Variants in RBBP8 observed in about 807,000 individuals in gnomAD.
RBBP8 encodes DNA endonuclease RBBP8.
RBBP8 carries 88 observed loss-of-function variants against 108.3 expected under a neutral mutation model. The observed-to-expected ratio is 0.81, with a 90% CI of 0.68 to 0.97. RBBP8 has a LOEUF of 0.97. RBBP8 is among the 50% of genes least tolerant of loss of function. RBBP8 has a pLI of 0.00. For synonymous variants in RBBP8, 332 were observed against 348.2 expected, an observed-to-expected ratio of 0.95 and a Z score of 0.52; for missense variants, 1,023 against 1,049.0, an observed-to-expected ratio of 0.98 and a Z score of 0.34.
At chr18:22,994,966 T>C (rs1372739185) in intron 12 of RBBP8, among the ~76,000 whole-genome samples, 2 of 152,100 alleles carry the variant, frequency 1.3e-5, no homozygotes, top group African/African-American at 4.8e-5. Flanking sequence ...ACTCAAGCCA[T>C]CTGCCTGCCT....
chr18:22,933,288 G>A (rs1179376294), upstream of RBBP8: 1 of 152,208 alleles, frequency 6.6e-6, no homozygotes, highest in Non-Finnish European at 1.5e-5. Flanking sequence ...CCGCCGCGAT[G>A]GGCAGCTGGA....
rs777711020 is a variant in RBBP8, at chr18:22,996,450, A to G, written c.2016A>G (p.Val672=). ...DLSQYKMDVT[V]IDTKDGSQSK... Reference sequence around the variant, plus strand: ...CTCAGTATAAAATGGATGTTACTGTAATAGATACAAAGGTAAGTTAAAAAG... The same window carrying G: ...CTCAGTATAAAATGGATGTTACTGTGATAGATACAAAGGTAAGTTAAAAAG... Residue 672 remains valine, a synonymous_variant, in exon 13 of 19, where the codon GTA becomes GTG. Coordinates refer to ENST00000327155, the MANE Select transcript of RBBP8 (RefSeq NM_002894.3). The G allele has an allele frequency of 1.2e-6, 2 of 1,613,566 alleles. No individual in the cohort carries two copies. Among genetic ancestry groups the G allele is most frequent in the Non-Finnish European group, 8.5e-7 (1 of 1,179,810 alleles).
intron 4 of RBBP8, among the ~76,000 whole-genome samples, chr18:22,965,111 T>A (rs537458864): frequency 3.3e-5 from 5 of 152,226 alleles, no homozygotes; most frequent in South Asian, 2.1e-4. Flanking sequence ...GCTTACTGTA[T>A]TCTTCATAAT....
intron 3 of RBBP8, among the ~76,000 whole-genome samples, chr18:22,918,710 T>A (rs1377843651): frequency 6.6e-6 from 1 of 152,236 alleles, no homozygotes; most frequent in East Asian, 1.9e-4. Context: ...AGGGTCTCAC[T>A]CTGTCACCCA....
At chr18:22,915,420 G>A (rs1468640818) in exon 2 of RBBP8, 1 of 151,996 alleles carries the variant, frequency 6.6e-6, no homozygotes. Flanking sequence ...TTTTTTGCAG[G>A]GAAAACCCTT....
At chr18:22,995,328 T>C (rs1338614340) in intron 12 of RBBP8, among the ~76,000 whole-genome samples, 1 of 152,228 alleles carries the variant, frequency 6.6e-6, no homozygotes, top group Non-Finnish European at 1.5e-5. Flanking sequence ...TTGGAGTTAA[T>C]GTACTATTTC....
chr18:22,988,902 A>C (rs1164932155), intron 8 of RBBP8, among the ~76,000 whole-genome samples: 1 of 152,258 alleles, frequency 6.6e-6, no homozygotes, highest in Non-Finnish European at 1.5e-5. Flanking sequence ...AACATAAGTC[A>C]CAATAATTCC....
At chr18:22,987,930 A>G (rs1327301278) in intron 8 of RBBP8, among the ~76,000 whole-genome samples, 2 of 152,214 alleles carry the variant, frequency 1.3e-5, no homozygotes, top group Non-Finnish European at 2.9e-5. Context: ...CAGCATGTCT[A>G]CAGTTGACAG....
chr18:22,923,363 C>T (rs375048355), intron 3 of RBBP8, among the ~76,000 whole-genome samples: 10 of 152,212 alleles, frequency 6.6e-5, no homozygotes, highest in South Asian at 2.1e-4. Context: ...TTACTATACA[C>T]TTGCAGTTAT....
At chr18:22,914,479 T>A (rs1431230447) in intron 1 of RBBP8, among the ~76,000 whole-genome samples, 1 of 152,222 alleles carries the variant, frequency 6.6e-6, no homozygotes, top group Non-Finnish European at 1.5e-5. Context: ...ATTGTTTGCA[T>A]AAAGGTTATT....
intron 18 of RBBP8, 121 bp downstream of exon 18, chr18:23,022,391 A>C (rs1291195627): frequency 2.2e-6 from 2 of 928,776 alleles, no homozygotes; most frequent in African/African-American, 3.4e-5. Context: ...ACCTGAGGTC[A>C]GGAGTTCAAG....
intron 13 of RBBP8, 100 bp from the exon 14 acceptor site, chr18:22,997,520 G>A: frequency 2.6e-6 from 2 of 764,328 alleles, no homozygotes; most frequent in Non-Finnish European, 4.5e-6. Flanking sequence ...GTTGTAAAAT[G>A]TATGTTATGT....
At chr18:23,022,672 T>TAAAATAAA (rs1169553930) in intron 18 of RBBP8, among the ~76,000 whole-genome samples, 2 of 117,830 alleles carry the variant, frequency 1.7e-5, no homozygotes, top group Non-Finnish European at 3.9e-5. Context: ...ATAAAATAAA[T>TAAAATAAA]AACTGTATAT....
At chr18:22,915,513 T>G (rs1909321722) in intron 2 of RBBP8, 1 of 152,166 alleles carries the variant, frequency 6.6e-6, no homozygotes, top group African/African-American at 2.4e-5. Context: ...TATGTAATGT[T>G]GTATCTGCAA....
intron 7 of RBBP8, among the ~76,000 whole-genome samples, chr18:22,983,400 C>T (rs1050360545): frequency 3.3e-5 from 5 of 152,066 alleles, no homozygotes; most frequent in Non-Finnish European, 4.4e-5. Flanking sequence ...GTTTGTATCA[C>T]CATCTAGTGG....
chr18:22,999,036 G>A (rs865872454), intron 14 of RBBP8, among the ~76,000 whole-genome samples: 13 of 152,246 alleles, frequency 8.5e-5, no homozygotes, highest in Middle Eastern at 3.4e-3. Flanking sequence ...AAAATCTAAA[G>A]TATGACCACT....
chr18:22,944,732 T>G (rs897085056), intron 2 of RBBP8, among the ~76,000 whole-genome samples: 1 of 152,190 alleles, frequency 6.6e-6, no homozygotes, highest in Non-Finnish European at 1.5e-5. Context: ...AAGGTGAAAT[T>G]TGAGACATAA....
At chr18:23,016,150 G>A (rs1270869431) in intron 16 of RBBP8, among the ~76,000 whole-genome samples, 1 of 152,072 alleles carries the variant, frequency 6.6e-6, no homozygotes, top group African/African-American at 2.4e-5. Context: ...CCTCAAGTGA[G>A]CCACTGCGCC....
intron 15 of RBBP8, among the ~76,000 whole-genome samples, chr18:23,003,563 C>T (rs2045983422): frequency 1.3e-5 from 2 of 152,172 alleles, no homozygotes; most frequent in Non-Finnish European, 1.5e-5. Flanking sequence ...TAGCACAATG[C>T]TCAGTAAATT....
Sources: allele counts gnomAD v4.1 joint callset (sites outside exome capture counted in the v4.1 genomes callset), GRCh38; gene constraint gnomAD v4.1.1; transcripts MANE v1.5; gene names NCBI Gene and HGNC (gene_info 2026-07-23, HGNC 2026-07-21).